Variants in USP22 observed in about 807,000 individuals in gnomAD.
USP22 encodes the protein ubiquitin specific peptidase 22, also known as ubiquitin carboxyl-terminal hydrolase 22.
A neutral mutation model predicts 68.1 loss-of-function variants in USP22; 22 were observed. The ratio of observed to expected loss-of-function variants is 0.32; its 90% CI spans 0.23 to 0.46. USP22 has a LOEUF of 0.46. Among genes scored for constraint, USP22 ranks in the 20% least tolerant of loss-of-function variants. USP22 has a pLI of 1.00. For missense variants in USP22, 433 were observed against 695.8 expected (o/e 0.62, Z 4.25); for synonymous variants, 279 against 274.2 (o/e 1.02, Z -0.17).
chr17:21,020,455 G>C (rs1466994171), intron 3 of USP22, among the ~76,000 whole-genome samples: 1 of 152,046 alleles, frequency 6.6e-6, no homozygotes, highest in East Asian at 1.9e-4. Flanking sequence ...ATCTGACTGT[G>C]CAGTGGGGCT....
rs111779830 is a variant in USP22, at chr17:21,010,884, C to T, written c.1103+267G>A. 4.2e-4 allele frequency among the ~76,000 whole-genome samples: 64 copies of T among 152,278 alleles called. 1 individual carries two copies. The highest frequency in any genetic ancestry group is 1.4e-3 in the African/African-American group (60 of 41,562). On this transcript the variant is annotated intron_variant, in intron 8 of 12. Coordinates refer to ENST00000261497, the MANE Select transcript of USP22 (RefSeq NM_015276.2). The stretch of plus-strand genomic sequence containing the variant: ...AGGGCTAAGGGAGCAGCCAGTTTGG[C>T]TCTGGGTTCATTTACATGCGGAGGT...
intron 8 of USP22, among the ~76,000 whole-genome samples, chr17:21,009,056 A>C (rs983785361): frequency 7.2e-6 from 1 of 138,582 alleles, no homozygotes; most frequent in Non-Finnish European, 1.5e-5. Flanking sequence ...GTGCCACTGC[A>C]CTCCAGCCTG....
chr17:21,027,075 T>C (rs1422826599), intron 2 of USP22, among the ~76,000 whole-genome samples: 1 of 151,418 alleles, frequency 6.6e-6, no homozygotes, highest in Non-Finnish European at 1.5e-5. Context: ...ATTACAGACA[T>C]GAGCCACCAC....
intron 1 of USP22, among the ~76,000 whole-genome samples, chr17:21,033,760 T>C (rs1042447180): frequency 1.3e-5 from 2 of 151,916 alleles, no homozygotes; most frequent in African/African-American, 4.8e-5. Context: ...ATAATTTTTT[T>C]TTTTTTTGAG....
intron 11 of USP22, 106 bp from the exon 12 acceptor site, chr17:21,004,457 T>C (rs1913709678): frequency 2.1e-6 from 3 of 1,410,568 alleles, no homozygotes; most frequent in Admixed American, 3.9e-5. Flanking sequence ...GGGAGGCCTG[T>C]GGGCCTGTCA....
chr17:21,034,009 A>G (rs1972324780), intron 1 of USP22, among the ~76,000 whole-genome samples: 1 of 152,064 alleles, frequency 6.6e-6, no homozygotes, highest in East Asian at 1.9e-4. Context: ...TCAGCCTCCC[A>G]AAGTGCTGGG....
chr17:21,027,292 C>CAAAAAACAAAAAAAA (rs1972233368), intron 2 of USP22, among the ~76,000 whole-genome samples: 1 of 72,300 alleles, frequency 1.4e-5, no homozygotes. Context: ...ACCCTGTCTC[C>CAAAAAACAAAAAAAA]AAAAAAAAAA....
Position 21,015,906 on chromosome 17 carries a change from G to A in USP22, c.691-7C>T, listed in dbSNP as rs1357637602. 13 of 1,613,516 alleles carry A rather than the reference G, an allele frequency of 8.1e-6. No individual in the cohort carries two copies. The highest frequency in any genetic ancestry group is 6.7e-5 in the Admixed American group (4 of 59,882). On this transcript the variant is annotated splice_polypyrimidine_tract_variant and splice_region_variant and intron_variant, in intron 5 of 12. Coordinates refer to ENST00000261497, the MANE Select transcript of USP22 (RefSeq NM_015276.2). ...ACCGGTGTCCAGAGTAAAACTGCCA[G>A]AGGGCGGGGAAGGAAACCTTGTCAG...
chr17:21,008,120 T>TA, intron 8 of USP22, 124 bp from the exon 9 acceptor site: 1 of 1,189,082 alleles, frequency 8.4e-7, no homozygotes, highest in Non-Finnish European at 1.1e-6. Flanking sequence ...CACTTACAAC[T>TA]AAAAATGAAA....
chr17:21,032,782 T>G (rs113698492), intron 1 of USP22, among the ~76,000 whole-genome samples: 1 of 151,562 alleles, frequency 6.6e-6, no homozygotes, highest in Non-Finnish European at 1.5e-5. Flanking sequence ...CTACAAAAAA[T>G]GCAAAAATTA....
chr17:21,004,835 G>C, intron 11 of USP22, 93 bp downstream of exon 11: 1 of 1,441,490 alleles, frequency 6.9e-7, no homozygotes, highest in Non-Finnish European at 9.5e-7. Flanking sequence ...TCAGTGGCGG[G>C]GGATCCGCTG....
chr17:21,008,042 GA>G, intron 8 of USP22, 46 bp from the exon 9 acceptor site: 1 of 1,587,734 alleles, frequency 6.3e-7, no homozygotes, highest in South Asian at 1.1e-5. Flanking sequence ...AGATGCAAGA[GA>G]CAGAAAAATG....
intron 2 of USP22, among the ~76,000 whole-genome samples, chr17:21,024,486 C>T (rs1332511282): frequency 6.6e-6 from 1 of 152,176 alleles, no homozygotes; most frequent in African/African-American, 2.4e-5. Flanking sequence ...GCTGGGACAA[C>T]TGAATATTCA....
In USP22 at chr17:21,009,676, C is replaced by T. The variant is rs558176958; in HGVS notation, c.1103+1475G>A. Among the ~76,000 whole-genome samples, 13 of 141,646 alleles carry T rather than the reference C, an allele frequency of 9.2e-5. 1 individual carries two copies. In the East Asian group the frequency reaches 2.1e-3, roughly 23 times the overall value. 92.9% of individuals were successfully genotyped at this position (141,646 alleles called of 152,430 possible). A position where few individuals can be genotyped will look rare whatever the true frequency, so the allele number is the denominator to read the frequency against. On this transcript the variant is annotated intron_variant, in intron 8 of 12. Transcript: ENST00000261497. Reference sequence around the variant, plus strand: ...TTTCTTTAAAAAGGTTTTGGTTGGCCGGGCATGCTGGCTCACACCTGTAAT... The same window carrying T: ...TTTCTTTAAAAAGGTTTTGGTTGGCTGGGCATGCTGGCTCACACCTGTAAT...
intron 2 of USP22, among the ~76,000 whole-genome samples, chr17:21,022,493 C>T (rs1021659009): frequency 1.3e-5 from 2 of 152,128 alleles, no homozygotes; most frequent in Admixed American, 1.3e-4. Flanking sequence ...TCTCTCCATT[C>T]AACAATTTAT....
At chr17:21,013,520 T>G (rs1420173102) in intron 6 of USP22, among the ~76,000 whole-genome samples, 1 of 152,142 alleles carries the variant, frequency 6.6e-6, no homozygotes, top group Admixed American at 6.5e-5. Flanking sequence ...AAAAAGAAAC[T>G]TAAGTAGCAG....
chr17:21,041,730 A>G (rs574705524), intron 1 of USP22, among the ~76,000 whole-genome samples: 1 of 152,250 alleles, frequency 6.6e-6, no homozygotes, highest in Non-Finnish European at 1.5e-5. Context: ...CTCGGATTGT[A>G]ATCTACAAAA....
At chr17:21,003,887 C>T (rs890770293) in intron 12 of USP22, among the ~76,000 whole-genome samples, 5 of 137,860 alleles carry the variant, frequency 3.6e-5, no homozygotes, top group African/African-American at 1.1e-4. Flanking sequence ...GCAACAAGAG[C>T]GAAACTCCGT....
chr17:21,027,705 A>G (rs990696618), intron 2 of USP22, among the ~76,000 whole-genome samples: 3 of 152,246 alleles, frequency 2.0e-5, no homozygotes, highest in African/African-American at 7.2e-5. Context: ...ACAATGGTTC[A>G]TGCCTGTAAT....
Sources: gnomAD v4.1 joint callset for allele counts (sites outside exome capture counted in the v4.1 genomes callset) on GRCh38, gnomAD v4.1.1 for gene constraint, MANE v1.5 for transcripts, NCBI Gene and HGNC (gene_info 2026-07-23, HGNC 2026-07-21) for gene names.